FDXR: variants seen among roughly 807,000 people sequenced by gnomAD.
FDXR encodes NADPH:adrenodoxin oxidoreductase, mitochondrial.
Under a neutral mutation model 58.3 loss-of-function variants are expected in FDXR, and 38 were observed. The observed-to-expected ratio is 0.65, with a 90% CI of 0.50 to 0.85. The LOEUF (loss-of-function observed/expected upper bound fraction) is 0.85, where lower values mean the gene tolerates loss of function less well. Ranked by LOEUF, FDXR falls within the 40% of genes least tolerant of loss-of-function variation. The pLI is 0.00. For missense variants in FDXR, 624 were observed against 671.0 expected (o/e 0.93, Z 0.77); for synonymous variants, 275 against 273.8 (o/e 1.00, Z -0.04).
In FDXR at chr17:74,864,216, G is replaced by A. The variant is rs1184512227; in HGVS notation, c.934C>T (p.Gln312Ter). 1.2e-6 allele frequency: 2 copies of A among 1,609,240 alleles called. No homozygotes were observed. The highest frequency in any genetic ancestry group is 2.7e-5 in the African/African-American group (2 of 74,882). Residue 312 changes from glutamine (Q) to a stop codon, truncating the protein, a stop_gained, in exon 9 of 12, where the codon CAG (glutamine) becomes TAG (stop). Coordinates refer to ENST00000293195, the MANE Select transcript of FDXR (RefSeq NM_024417.5). LOFTEE classifies it high-confidence loss of function. ...CCATCTGGTGAGGGCAGCACCTGCT[G>A]GGGGCTTCGGAAAAAGCGGAGGCCC... is the stretch of plus-strand genomic sequence containing the variant. ...AWGLRFFRSPQQVLPSPDGRR... is the reference protein window; with the variant it reads ...AWGLRFFRSP
At position 74,872,980 on chromosome 17, in the gene FDXR, T is replaced by C. The variant is rs765075592; in HGVS notation, c.-36A>G. ...AGCAACCTGCAAGTGGATCTGTTCCTAGCTACTGCTCCGCAGGGCAAGCCC... is the reference window on the plus strand; with the variant it reads ...AGCAACCTGCAAGTGGATCTGTTCCCAGCTACTGCTCCGCAGGGCAAGCCC... On this transcript the variant is annotated 5_prime_UTR_variant, in exon 1 of 12. Coordinates refer to ENST00000293195, the MANE Select transcript of FDXR (RefSeq NM_024417.5). 27 of 1,534,936 alleles carry C rather than the reference T, an allele frequency of 1.8e-5. No individual in the cohort carries two copies. The highest frequency in any genetic ancestry group is 2.4e-5 in the South Asian group (2 of 83,606).
rs1342123270 is a variant in FDXR, at chr17:74,872,992, C to G, written c.-48G>C. On this transcript the variant is annotated 5_prime_UTR_variant, in exon 1 of 12. Coordinates refer to ENST00000293195, the MANE Select transcript of FDXR (RefSeq NM_024417.5). ...GTGGATCTGTTCCTAGCTACTGCTC[C>G]GCAGGGCAAGCCCGCTCCTGCCCGG... The G allele has an allele frequency of 1.3e-6, 2 of 1,514,236 alleles. No individual in the cohort carries two copies. Among genetic ancestry groups the G allele is most frequent in the African/African-American group, 1.4e-5 (1 of 72,356 alleles). The allele number at this position is 1,514,236 out of a possible 1,614,324, so 93.8% of individuals were successfully genotyped here. A position where few individuals can be genotyped will look rare whatever the true frequency, so the allele number is the denominator to read the frequency against.
intron 2 of FDXR, chr17:74,868,573 T>C (rs1182929285): frequency 2.6e-6 from 4 of 1,535,498 alleles, no homozygotes; most frequent in Non-Finnish European, 3.5e-6. Context: ...CATTCTTTCC[T>C]GCGACAGATC....
chr17:74,864,950 C>T lies in FDXR; in HGVS notation c.610-19G>A. 1 of 1,614,072 alleles carries T rather than the reference C, an allele frequency of 6.2e-7. No individual in the cohort carries two copies. The highest frequency in any genetic ancestry group is 1.1e-5 in the South Asian group (1 of 91,088). On this transcript the variant is annotated intron_variant, in intron 6 of 11. Coordinates refer to ENST00000293195, the MANE Select transcript of FDXR (RefSeq NM_024417.5). ...CCGTTCTCTGGCACAAAAGGAGGGC[C>T]TTGGAGTCATCAGACACTGACCGAG...
intron 11 of FDXR, 43 bp downstream of exon 11, chr17:74,863,033 C>T (rs1160546488): frequency 6.2e-7 from 1 of 1,602,198 alleles, no homozygotes; most frequent in Admixed American, 1.7e-5. Flanking sequence ...CAGAGAAGGA[C>T]CACCCACCCC....
rs374429306 is a variant in FDXR at position 74,872,946 on chromosome 17, G to A, written c.-2C>T. Reference sequence around the variant, plus strand: ...CCAGCGCCAGCAGCGCGAAGCCATGGCTGGGAGCAGCAACCTGCAAGTGGA... The same window carrying A: ...CCAGCGCCAGCAGCGCGAAGCCATGACTGGGAGCAGCAACCTGCAAGTGGA... On this transcript the variant is annotated 5_prime_UTR_variant, in exon 1 of 12. Transcript: ENST00000293195. 1.2e-4 allele frequency: 182 copies of A among 1,554,516 alleles called. No homozygotes were observed. Among genetic ancestry groups the A allele is most frequent in the Middle Eastern group, 1.7e-4 (1 of 5,992 alleles).
In FDXR at chr17:74,872,910, G is replaced by A. The variant is rs866601144; in HGVS notation, c.35C>T (p.Ser12Leu). The A allele has an allele frequency of 7.1e-6, 11 of 1,554,906 alleles. No homozygotes were observed. Among genetic ancestry groups the A allele is most frequent in the Non-Finnish European group, 9.6e-6 (11 of 1,149,978 alleles). The change falls in exon 1 of 12, where the codon TCG becomes TTG. Residue 12 changes from serine (S) to leucine (L), a missense_variant. By Grantham distance (145) the Ser-to-Leu change is moderately radical. Transcript: ENST00000293195. ...ASRCWRWWGW[S>L]AWPRTRLPPA... ...AGGCAGCCGGGTCCGAGGCCACGCCGACCAGCCCCACCAGCGCCAGCAGCG... is the reference window on the plus strand; with the variant it reads ...AGGCAGCCGGGTCCGAGGCCACGCCAACCAGCCCCACCAGCGCCAGCAGCG...
At chr17:74,871,786 G>A (rs1336558638) in intron 2 of FDXR, among the ~76,000 whole-genome samples, 2 of 152,180 alleles carry the variant, frequency 1.3e-5, no homozygotes, top group Admixed American at 6.5e-5. Context: ...TGGCCAGGGA[G>A]GCAAAGCTGA....
intron 2 of FDXR, chr17:74,867,096 C>G: frequency 1.0e-6 from 1 of 958,792 alleles, no homozygotes. Flanking sequence ...AACCTGAGGT[C>G]AGGAGTTCGA....
At chr17:74,870,797 C>CTTTTTTTTTT in intron 2 of FDXR, among the ~76,000 whole-genome samples, 1 of 88,430 alleles carries the variant, frequency 1.1e-5, no homozygotes, top group Non-Finnish European at 2.1e-5. Context: ...CACTGTCTCT[C>CTTTTTTTTTT]TTTTTTTTTT....
intron 2 of FDXR, among the ~76,000 whole-genome samples, chr17:74,869,398 C>T (rs2038297951): frequency 6.6e-6 from 1 of 152,158 alleles, no homozygotes; most frequent in African/African-American, 2.4e-5. Flanking sequence ...GCCTCCAGAG[C>T]CTGGTCAATG....
chr17:74,865,773 C>A lies in FDXR; in HGVS notation c.555G>T (p.Gly185=), dbSNP rs1399069532. 6.2e-7 allele frequency: 1 copy of A among 1,613,628 alleles called. No individual in the cohort carries two copies. The highest frequency in any genetic ancestry group is 1.3e-5 in the African/African-American group (1 of 74,922). ...SCDTAVILGQ[G]NVALDVARIL... ...TGCGGGCCACGTCCAGAGCCACGTT[C>A]CCCTGCCCCAGAATCACGGCTGTGT... Residue 185 remains glycine (G), a synonymous_variant, in exon 6 of 12, where the codon GGG becomes GGT. Coordinates refer to ENST00000293195, the MANE Select transcript of FDXR (RefSeq NM_024417.5).
Position 74,863,190 on chromosome 17 carries a change from T to G in FDXR, c.1231A>C (p.Met411Leu). The change falls in exon 11 of 12, where the codon ATG becomes CTG. Residue 411 changes from methionine to leucine, a missense_variant. Physicochemically the swap from Met to Leu is conservative, Grantham distance 15. Transcript: ENST00000293195. ...TGGCCGGTGAGGAAGCTGTCAGTCA[T>G]GGTTGTGGCTATGACACCTGTAGGT... Reference protein sequence around the residue: ...RGPTGVIATTMTDSFLTGQML... With the variant: ...RGPTGVIATTLTDSFLTGQML... 6.2e-7 allele frequency: 1 copy of G among 1,613,818 alleles called. No individual in the cohort carries two copies. The highest frequency in any genetic ancestry group is 1.1e-5 in the South Asian group (1 of 91,016).
chr17:74,864,879 T>G lies in FDXR; in HGVS notation c.662A>C (p.Lys221Thr), dbSNP rs756723359. 7.4e-6 allele frequency: 12 copies of G among 1,614,034 alleles called. No individual in the cohort carries two copies. The African/African-American group carries it at 1.6e-4, about 22-fold the overall frequency. ...ALGVLRQSRV[K>T]TVWLVGRRGP... ...ACGCCGGCCCACTAGCCACACTGTC[T>G]TCACTCGACTCTGCCTCAGTACACC... The change falls in exon 7 of 12, where the codon AAG becomes ACG. Residue 221 changes from lysine to threonine, a missense_variant. Coordinates refer to ENST00000293195, the MANE Select transcript of FDXR (RefSeq NM_024417.5).
At chr17:74,864,984 A>G in intron 6 of FDXR, 53 bp from the exon 7 acceptor site, 2 of 1,612,800 alleles carry the variant, frequency 1.2e-6, no homozygotes, top group Non-Finnish European at 1.7e-6. Context: ...AGGAAAGGGG[A>G]CTCTCCATTT....
rs34435361 is a variant in FDXR, at chr17:74,862,937, T to C, written c.1356A>G (p.Pro452=). ...QALLSSRGVR[P]VSFSDWEKLD... ...GCTTCTCCCAGTCTGAGAAAGAGAC[T>C]GGCCGGACCCCTGAAGCAGAGGGGA... is the stretch of plus-strand genomic sequence containing the variant. The change falls in exon 12 of 12, where the codon CCA becomes CCG. Residue 452 remains proline (P), a synonymous_variant. Coordinates refer to ENST00000293195, the MANE Select transcript of FDXR (RefSeq NM_024417.5). 3,981 of 1,612,124 alleles carry C rather than the reference T, an allele frequency of 2.5e-3. 79 individuals are homozygous for C. In the African/African-American group the frequency reaches 0.043, roughly 17 times the overall value.
chr17:74,864,935 G>A lies in FDXR; in HGVS notation c.610-4C>T, dbSNP rs35102176. The stretch of plus-strand genomic sequence containing the variant: ...CTGCCTTCGTGATGTCCGTTCTCTG[G>A]CACAAAAGGAGGGCCTTGGAGTCAT... On this transcript the variant is annotated splice_polypyrimidine_tract_variant and splice_region_variant and intron_variant, in intron 6 of 11. Coordinates refer to ENST00000293195, the MANE Select transcript of FDXR (RefSeq NM_024417.5). 1 of 1,614,092 alleles carries A rather than the reference G, an allele frequency of 6.2e-7. No individual in the cohort carries two copies.
chr17:74,870,914 C>T (rs895743037), intron 2 of FDXR, among the ~76,000 whole-genome samples: 5 of 151,682 alleles, frequency 3.3e-5, no homozygotes, highest in African/African-American at 9.7e-5. Flanking sequence ...GCGATCCTCC[C>T]GACTCAGCCT....
chr17:74,872,497 T>C (rs2038407251), intron 1 of FDXR: 1 of 595,900 alleles, frequency 1.7e-6, no homozygotes, highest in African/African-American at 1.9e-5. Context: ...CTCTAACCCC[T>C]CTCTCTCTCC....
Sources: gnomAD v4.1 joint callset for allele counts (sites outside exome capture counted in the v4.1 genomes callset) on GRCh38, gnomAD v4.1.1 for gene constraint, MANE v1.5 for transcripts, NCBI Gene and HGNC (gene_info 2026-07-23, HGNC 2026-07-21) for gene names.